SF3B3: variants seen among roughly 807,000 people sequenced by gnomAD.
The protein encoded by SF3B3 is splicing factor 3b subunit 3, also known as SAP 130.
A neutral mutation model predicts 139.2 loss-of-function variants in SF3B3; 33 were observed. The observed-to-expected ratio is 0.24, with a 90% CI of 0.18 to 0.32. The LOEUF (loss-of-function observed/expected upper bound fraction) is 0.32, where lower values mean the gene tolerates loss of function less well. Ranked by LOEUF, SF3B3 falls within the 10% of genes least tolerant of loss-of-function variation. The pLI is 1.00. For synonymous variants in SF3B3, 596 were observed against 563.6 expected (o/e 1.06, Z -0.81); for missense variants, 818 against 1,509.4 (o/e 0.54, Z 7.59).
intron 6 of SF3B3, 74 bp from the exon 7 acceptor site, chr16:70,538,249 T>C: frequency 1.5e-6 from 2 of 1,352,084 alleles, no homozygotes; most frequent in South Asian, 1.2e-5. Flanking sequence ...GTAATCCCTA[T>C]TGGTAAAGTG....
intron 20 of SF3B3, among the ~76,000 whole-genome samples, chr16:70,567,130 G>T (rs1048350461): frequency 6.6e-6 from 1 of 151,960 alleles, no homozygotes; most frequent in Admixed American, 6.5e-5. Flanking sequence ...GGCTACTAAG[G>T]CTTCACTGTT....
chr16:70,563,761 T>C, intron 17 of SF3B3, 115 bp from the exon 18 acceptor site: 2 of 952,028 alleles, frequency 2.1e-6, no homozygotes, highest in Non-Finnish European at 3.2e-6. Context: ...TGTTGCCTAA[T>C]GCCAACGTTA....
At chr16:70,566,943 G>A (rs768278792) in intron 20 of SF3B3, among the ~76,000 whole-genome samples, 7 of 152,004 alleles carry the variant, frequency 4.6e-5, no homozygotes, top group East Asian at 3.9e-4. Context: ...CCAGCTACTC[G>A]GGAGTCTGAG....
At position 70,556,873 on chromosome 16, in the gene SF3B3, C is replaced by T. The variant is rs79766642; in HGVS notation, c.1867-13C>T. 6 of 1,613,552 alleles carry T rather than the reference C, an allele frequency of 3.7e-6. No homozygotes were observed. The highest frequency in any genetic ancestry group is 5.1e-6 in the Non-Finnish European group (6 of 1,179,768). ...CATTTTCTGTGTTTTTATGATTTTT[C>T]TCTCCCTCTCAGGACTGTTTGCAAC... On this transcript the variant is annotated splice_polypyrimidine_tract_variant and intron_variant, in intron 14 of 25. Coordinates refer to ENST00000302516, the MANE Select transcript of SF3B3 (RefSeq NM_012426.5).
At chr16:70,569,197 C>A in intron 23 of SF3B3, 56 bp downstream of exon 23, 1 of 1,265,858 alleles carries the variant, frequency 7.9e-7, no homozygotes, top group South Asian at 1.3e-5. Flanking sequence ...TTCCTGTTGC[C>A]CTCACTGAAG....
At chr16:70,528,429 T>C (rs2050086649) in intron 2 of SF3B3, among the ~76,000 whole-genome samples, 1 of 148,112 alleles carries the variant, frequency 6.8e-6, no homozygotes, top group African/African-American at 2.5e-5. Flanking sequence ...CCTCCCAAAG[T>C]GCTGGGATAA....
chr16:70,566,420 A>G (rs925088588), intron 20 of SF3B3, among the ~76,000 whole-genome samples: 1 of 151,526 alleles, frequency 6.6e-6, no homozygotes, highest in East Asian at 2.0e-4. Flanking sequence ...AAATCAGCCA[A>G]GCATGGTGGT....
At chr16:70,564,933 C>A in intron 18 of SF3B3, 132 bp from the exon 19 acceptor site, 2 of 751,822 alleles carry the variant, frequency 2.7e-6, no homozygotes, top group Non-Finnish European at 4.7e-6. Flanking sequence ...GTCGGGAAAT[C>A]CTGGCTGGGA....
intron 6 of SF3B3, among the ~76,000 whole-genome samples, chr16:70,536,361 A>G (rs1307837328): frequency 6.6e-6 from 1 of 150,872 alleles, no homozygotes; most frequent in East Asian, 1.9e-4. Context: ...TATTTTTTGT[A>G]TTTTATTTAT....
In SF3B3 at chr16:70,571,856, G is replaced by A. The variant is rs752380128; in HGVS notation, c.*43G>A. 1.9e-6 allele frequency: 3 copies of A among 1,575,030 alleles called. No individual in the cohort carries two copies. Among genetic ancestry groups the A allele is most frequent in the Non-Finnish European group, 2.6e-6 (3 of 1,162,340 alleles). On this transcript the variant is annotated 3_prime_UTR_variant, in exon 26 of 26. Coordinates refer to ENST00000302516, the MANE Select transcript of SF3B3 (RefSeq NM_012426.5). ...GGGCTTGCCAGAGACTGTGTGTTTT[G>A]TTTCCCCCACCACCATCACTGCCAC...
In SF3B3 at chr16:70,523,962, G is replaced by A. The variant is rs1597700561; in HGVS notation, c.-71+34G>A. 4 of 420,258 alleles carry A rather than the reference G, an allele frequency of 9.5e-6. No homozygotes were observed. In the East Asian group the frequency reaches 1.4e-4, roughly 15 times the overall value. The allele number at this position is 420,258 out of a possible 1,614,324, so 26.0% of individuals were successfully genotyped here. A position where few individuals can be genotyped will look rare whatever the true frequency, so the allele number is the denominator to read the frequency against. Reference sequence around the variant, plus strand: ...ACAGCCTGGAGACTTCCCCGGGCCCGGGGAGGCGGAGACCGGCCATATGGA... The same window carrying A: ...ACAGCCTGGAGACTTCCCCGGGCCCAGGGAGGCGGAGACCGGCCATATGGA... On this transcript the variant is annotated intron_variant, in intron 1 of 25. Coordinates refer to ENST00000302516, the MANE Select transcript of SF3B3 (RefSeq NM_012426.5).
At chr16:70,530,012 T>C (rs2050104693) in intron 3 of SF3B3, among the ~76,000 whole-genome samples, 1 of 28,454 alleles carries the variant, frequency 3.5e-5, no homozygotes, top group Admixed American at 3.4e-4. Context: ...TGGGTGCCTG[T>C]AATCCCAGCT....
intron 23 of SF3B3, among the ~76,000 whole-genome samples, chr16:70,569,672 C>T (rs528540573): frequency 3.3e-4 from 50 of 152,246 alleles, no homozygotes; most frequent in African/African-American, 1.1e-3. Flanking sequence ...CTCAGTCGCC[C>T]GGGCTGGAGT....
At position 70,564,965 on chromosome 16, in the gene SF3B3, G is replaced by A. The variant is rs1161933927; in HGVS notation, c.2464-100G>A. 3.8e-6 allele frequency: 4 copies of A among 1,057,590 alleles called. No homozygotes were observed. The African/African-American group carries it at 4.7e-5, about 12-fold the overall frequency. 65.5% of individuals were successfully genotyped at this position (1,057,590 alleles called of 1,614,324 possible). A position where few individuals can be genotyped will look rare whatever the true frequency, so the allele number is the denominator to read the frequency against. ...GGGATGGCTGACTTTGCTGCTTTATGTATTGAGAACCCCCTGGAGTGTTCT... is the reference window on the plus strand; with the variant it reads ...GGGATGGCTGACTTTGCTGCTTTATATATTGAGAACCCCCTGGAGTGTTCT... On this transcript the variant is annotated intron_variant, in intron 18 of 25. Transcript: ENST00000302516.
chr16:70,553,468 G>A (rs2050348463), intron 11 of SF3B3, among the ~76,000 whole-genome samples: 1 of 152,124 alleles, frequency 6.6e-6, no homozygotes, highest in African/African-American at 2.4e-5. Flanking sequence ...GCCTTGTCTT[G>A]TTCTGTCCTT....
At chr16:70,549,032 A>G (rs2050296042) in intron 11 of SF3B3, among the ~76,000 whole-genome samples, 1 of 152,230 alleles carries the variant, frequency 6.6e-6, no homozygotes, top group Non-Finnish European at 1.5e-5. Flanking sequence ...AAGTAATAGG[A>G]GAATGCCTAG....
intron 9 of SF3B3, among the ~76,000 whole-genome samples, chr16:70,543,847 TG>T (rs1338780033): frequency 1.7e-5 from 2 of 120,340 alleles, no homozygotes. Flanking sequence ...TGTTTTTTTG[TG>T]TTTTTTTTTT....
chr16:70,529,969 C>T (rs911963387), intron 3 of SF3B3, among the ~76,000 whole-genome samples: 31 of 150,880 alleles, frequency 2.1e-4, no homozygotes, highest in Non-Finnish European at 3.7e-4. Flanking sequence ...CCAGTCTCTA[C>T]CAAAAATACA....
chr16:70,572,332 A>T lies in SF3B3; in HGVS notation c.*519A>T, dbSNP rs1439011844. ...CATGTGTCTTGTTCTGGAGATGAGG[A>T]TGTAGGTGGGAGGTTTGAACCCAAG... On this transcript the variant is annotated 3_prime_UTR_variant, in exon 26 of 26. Transcript: ENST00000302516. The T allele has an allele frequency of 3.7e-6, 1 of 267,600 alleles. No homozygotes were observed. The highest frequency in any genetic ancestry group is 1.2e-4 in the East Asian group (1 of 8,116). The allele number at this position is 267,600 out of a possible 1,614,324, so 16.6% of individuals were successfully genotyped here. A position where few individuals can be genotyped will look rare whatever the true frequency, so the allele number is the denominator to read the frequency against.
Sources: gnomAD v4.1 joint callset for allele counts (sites outside exome capture counted in the v4.1 genomes callset) on GRCh38, gnomAD v4.1.1 for gene constraint, MANE v1.5 for transcripts, NCBI Gene and HGNC (gene_info 2026-07-23, HGNC 2026-07-21) for gene names.